ZYG11B: variants seen among roughly 807,000 people sequenced by gnomAD.
The protein encoded by ZYG11B is protein zyg-11 homolog B.
ZYG11B carries 36 observed loss-of-function variants against 82.4 expected under a neutral mutation model. The ratio of observed to expected loss-of-function variants is 0.44; its 90% CI spans 0.33 to 0.58. The LOEUF is 0.58. ZYG11B is among the 20% of genes least tolerant of loss of function. The pLI is 0.02. For missense variants in ZYG11B, 552 were observed against 895.6 expected, an observed-to-expected ratio of 0.62 and a Z score of 4.90; for synonymous variants, 303 against 312.8, an observed-to-expected ratio of 0.97 and a Z score of 0.33.
rs1645312294 is a variant in ZYG11B at position 52,824,895 on chromosome 1, A to G, written c.*3266A>G. 6.6e-6 allele frequency: 1 copy of G among 151,956 alleles called. No individual in the cohort carries two copies. Among genetic ancestry groups the G allele is most frequent in the Admixed American group, 6.6e-5 (1 of 15,244 alleles). 9.4% of individuals were successfully genotyped at this position (151,956 alleles called of 1,614,324 possible). On this transcript the variant is annotated 3_prime_UTR_variant, in exon 14 of 14. Coordinates refer to ENST00000294353, the MANE Select transcript of ZYG11B (RefSeq NM_024646.3). ...AATATAACTGTTATTGGTGCCTTTG[A>G]GTGTTATCTCTCAGTGGCTAGAGGT...
chr1:52,791,021 G>T (rs1400559588), intron 6 of ZYG11B, among the ~76,000 whole-genome samples: 1 of 151,524 alleles, frequency 6.6e-6, no homozygotes, highest in Non-Finnish European at 1.5e-5. Context: ...ACCCAGGCTG[G>T]AGTGCAGTGG....
chr1:52,790,470 C>G (rs78218071), intron 6 of ZYG11B, among the ~76,000 whole-genome samples: 2 of 152,122 alleles, frequency 1.3e-5, no homozygotes, highest in African/African-American at 4.8e-5. Context: ...GTGGCTCATG[C>G]CTATAATCCC....
chr1:52,788,904 C>T (rs1644934432), intron 5 of ZYG11B, among the ~76,000 whole-genome samples: 1 of 152,046 alleles, frequency 6.6e-6, no homozygotes, highest in African/African-American at 2.4e-5. Flanking sequence ...TTCTATGGAT[C>T]CTGTACAAAT....
chr1:52,820,979 T>C (rs1645278070), intron 13 of ZYG11B, among the ~76,000 whole-genome samples: 1 of 151,496 alleles, frequency 6.6e-6, no homozygotes, highest in African/African-American at 2.4e-5. Context: ...CATGTGCCTG[T>C]ATTTCCAGGC....
Position 52,796,307 on chromosome 1 carries a change from G to T in ZYG11B, c.1350G>T (p.Lys450Asn). 1 of 1,613,658 alleles carries T rather than the reference G, an allele frequency of 6.2e-7. No homozygotes were observed. Among genetic ancestry groups the T allele is most frequent in the Non-Finnish European group, 8.5e-7 (1 of 1,179,748 alleles). The change falls in exon 7 of 14, where the codon AAG becomes AAT. Residue 450 changes from lysine (K) to asparagine (N), a missense_variant. This residue lies in a region of ZYG11B where 359 missense variants were observed against 555.8 expected (regional missense o/e 0.65). Coordinates refer to ENST00000294353, the MANE Select transcript of ZYG11B (RefSeq NM_024646.3). Reference protein sequence around the residue: ...DVPFNRFEAAKLVMQWLCNHE... With the variant: ...DVPFNRFEAANLVMQWLCNHE... ...GTGTTTTCAGGTTTGAAGCAGCCAA[G>T]CTTGTCATGCAGTGGCTTTGCAACC...
chr1:52,813,055 C>G (rs1382885123), intron 10 of ZYG11B, among the ~76,000 whole-genome samples: 1 of 152,134 alleles, frequency 6.6e-6, no homozygotes, highest in Non-Finnish European at 1.5e-5. Context: ...TAATTTAGCC[C>G]TACTACTATC....
intron 10 of ZYG11B, among the ~76,000 whole-genome samples, chr1:52,803,273 C>CATATATAT (rs1645108661): frequency 9.3e-6 from 1 of 107,710 alleles, no homozygotes. Flanking sequence ...TATACACACA[C>CATATATAT]ACACACATAT....
intron 13 of ZYG11B, among the ~76,000 whole-genome samples, chr1:52,817,858 G>C (rs1289828524): frequency 1.6e-5 from 1 of 61,958 alleles, no homozygotes; most frequent in Non-Finnish European, 3.0e-5. Flanking sequence ...TTTTTTTTGA[G>C]ATGGAGTCTC....
At chr1:52,781,219 C>T (rs1319261236) in intron 4 of ZYG11B, among the ~76,000 whole-genome samples, 1 of 151,982 alleles carries the variant, frequency 6.6e-6, no homozygotes, top group East Asian at 1.9e-4. Context: ...TTATTTGTGG[C>T]CAGGCATGGT....
intron 2 of ZYG11B, among the ~76,000 whole-genome samples, chr1:52,762,978 G>GA (rs370620882): frequency 2.6e-5 from 3 of 114,370 alleles, no homozygotes; most frequent in African/African-American, 1.2e-4. Flanking sequence ...TGAGAGATTG[G>GA]GGGGGGGGGG....
At chr1:52,797,453 CAT>C (rs1645034219) in intron 8 of ZYG11B, among the ~76,000 whole-genome samples, 2 of 56,868 alleles carry the variant, frequency 3.5e-5, no homozygotes, top group South Asian at 1.0e-3. Context: ...TATTATATAT[CAT>C]ATATGATATA....
chr1:52,816,773 A>C (rs1416836565), intron 13 of ZYG11B, 144 bp downstream of exon 13: 1 of 555,470 alleles, frequency 1.8e-6, no homozygotes, highest in Non-Finnish European at 3.2e-6. Context: ...TATAAACTTA[A>C]GGTATTCTTT....
chr1:52,827,151 G>A lies in ZYG11B; in HGVS notation c.*5522G>A, dbSNP rs1645331684. 6.6e-6 allele frequency: 1 copy of A among 152,174 alleles called. No homozygotes were observed. Among genetic ancestry groups the A allele is most frequent in the Non-Finnish European group, 1.5e-5 (1 of 68,032 alleles). 9.4% of individuals were successfully genotyped at this position (152,174 alleles called of 1,614,324 possible). A position where few individuals can be genotyped will look rare whatever the true frequency, so the allele number is the denominator to read the frequency against. ...ATATAAAAAATTCATTGGAAAGTGT[G>A]TATATTTCAAAGACTCTCAATTATC... On this transcript the variant is annotated 3_prime_UTR_variant, in exon 14 of 14. Coordinates refer to ENST00000294353, the MANE Select transcript of ZYG11B (RefSeq NM_024646.3).
intron 13 of ZYG11B, among the ~76,000 whole-genome samples, chr1:52,820,861 G>A (rs1217685976): frequency 6.6e-6 from 1 of 151,988 alleles, no homozygotes; most frequent in Non-Finnish European, 1.5e-5. Flanking sequence ...AGTACTTTGG[G>A]AGGCTGAGGC....
rs188241809 is a variant in ZYG11B at position 52,821,792 on chromosome 1, T to C, written c.*163T>C. The stretch of plus-strand genomic sequence containing the variant: ...TACTGCCCATGTGAACAGTCTCTAA[T>C]TTGTCTTGTGATTTTAAACTTATGA... On this transcript the variant is annotated 3_prime_UTR_variant, in exon 14 of 14. Coordinates refer to ENST00000294353, the MANE Select transcript of ZYG11B (RefSeq NM_024646.3). The C allele has an allele frequency of 1.9e-6, 1 of 535,720 alleles. No homozygotes were observed. Among genetic ancestry groups the C allele is most frequent in the Admixed American group, 3.7e-5 (1 of 26,952 alleles). 33.2% of individuals were successfully genotyped at this position (535,720 alleles called of 1,614,324 possible). A position where few individuals can be genotyped will look rare whatever the true frequency, so the allele number is the denominator to read the frequency against.
At chr1:52,747,240 T>C (rs1644484886) in intron 1 of ZYG11B, among the ~76,000 whole-genome samples, 1 of 152,228 alleles carries the variant, frequency 6.6e-6, no homozygotes, top group South Asian at 2.1e-4. Flanking sequence ...AAGTCAGCAC[T>C]GATTTCCTGT....
chr1:52,817,952 C>G (rs1239438178), intron 13 of ZYG11B, among the ~76,000 whole-genome samples: 3 of 146,610 alleles, frequency 2.0e-5, no homozygotes, highest in Non-Finnish European at 4.5e-5. Flanking sequence ...ATTCTCTTGC[C>G]TCAACCTCCA....
intron 10 of ZYG11B, among the ~76,000 whole-genome samples, chr1:52,803,005 G>T (rs1391747411): frequency 7.1e-6 from 1 of 141,362 alleles, no homozygotes; most frequent in Non-Finnish European, 1.5e-5. Flanking sequence ...GGGCAACAGA[G>T]CAAGACTCCG....
intron 1 of ZYG11B, among the ~76,000 whole-genome samples, chr1:52,736,352 T>C (rs1216046267): frequency 6.6e-6 from 1 of 152,128 alleles, no homozygotes; most frequent in Non-Finnish European, 1.5e-5. Flanking sequence ...TGATCTCAGC[T>C]CACTAGAACC....
Sources: gnomAD v4.1 joint callset for allele counts (sites outside exome capture counted in the v4.1 genomes callset) on GRCh38, gnomAD v4.1.1 for gene constraint, gnomAD v4.1.1 regional missense constraint, MANE v1.5 for transcripts, NCBI Gene and HGNC (gene_info 2026-07-23, HGNC 2026-07-21) for gene names.